NXPE4: variants seen among roughly 807,000 people sequenced by gnomAD.
The protein encoded by NXPE4 is neurexophilin and PC-esterase domain family member 4, also known as NXPE family member 4.
In NXPE4, 42 loss-of-function variants were observed where a neutral mutation model predicts 33.3. The observed-to-expected ratio is 1.26, with a 90% CI of 0.98 to 1.63. The LOEUF (loss-of-function observed/expected upper bound fraction) is 1.63. Among genes scored for constraint, NXPE4 ranks in the 40% most tolerant of loss-of-function variants. NXPE4 has a pLI of 0.00. For synonymous variants in NXPE4, 253 were observed against 234.9 expected (o/e 1.08, Z -0.71); for missense variants, 709 against 647.6 (o/e 1.09, Z -1.03).
chr11:114,630,325 A>G, the NXPE4 span, among the ~76,000 whole-genome samples: 9 of 151,952 alleles, frequency 5.9e-5, no homozygotes, highest in South Asian at 1.5e-3. Context: ...CAAAATAGAG[A>G]TATAGATCAA....
At chr11:114,656,293 T>C in the NXPE4 span, among the ~76,000 whole-genome samples, 3 of 152,074 alleles carry the variant, frequency 2.0e-5, no homozygotes, top group South Asian at 2.1e-4. Flanking sequence ...TACAAACAAA[T>C]GGAAAAGCAT....
chr11:114,675,758 T>G, the NXPE4 span, among the ~76,000 whole-genome samples: 1 of 151,888 alleles, frequency 6.6e-6, no homozygotes, highest in Non-Finnish European at 1.5e-5. Flanking sequence ...ATTCTGAAAC[T>G]TACATGGAAC....
At chr11:114,674,021 T>C in the NXPE4 span, among the ~76,000 whole-genome samples, 6 of 151,632 alleles carry the variant, frequency 4.0e-5, no homozygotes, top group African/African-American at 1.5e-4. Flanking sequence ...AAGATGATGA[T>C]GGGATTAGTG....
chr11:114,659,053 A>G, the NXPE4 span, among the ~76,000 whole-genome samples: 1 of 152,208 alleles, frequency 6.6e-6, no homozygotes, highest in East Asian at 1.9e-4. Flanking sequence ...GCACCAAGTA[A>G]CCAGAAAAAT....
chr11:114,615,985 A>G, the NXPE4 span, among the ~76,000 whole-genome samples: 1 of 149,454 alleles, frequency 6.7e-6, no homozygotes, highest in Non-Finnish European at 1.5e-5. Flanking sequence ...TCTCTCGTGG[A>G]AAAGCACTGT....
At chr11:114,583,182 A>C in intron 2 of NXPE4, 161 bp from the exon 3 acceptor site, 1 of 839,328 alleles carries the variant, frequency 1.2e-6, no homozygotes, top group Non-Finnish European at 1.8e-6. Flanking sequence ...ATATTATTTA[A>C]ATTCTCCAAT....
At chr11:114,604,857 C>T in the NXPE4 span, among the ~76,000 whole-genome samples, 3 of 151,966 alleles carry the variant, frequency 2.0e-5, no homozygotes, top group Non-Finnish European at 4.4e-5. Context: ...TCCACTGTTA[C>T]CTGCTGGATA....
intron 2 of NXPE4, among the ~76,000 whole-genome samples, chr11:114,589,289 G>C (rs1431266735): frequency 6.6e-6 from 1 of 152,064 alleles, no homozygotes; most frequent in African/African-American, 2.4e-5. Flanking sequence ...GGCTCCAGTG[G>C]CTCAAATTCC....
the NXPE4 span, among the ~76,000 whole-genome samples, chr11:114,601,800 T>TTA: frequency 1.4e-5 from 1 of 69,386 alleles, no homozygotes; most frequent in Non-Finnish European, 2.3e-5. Flanking sequence ...TGATATATGA[T>TTA]TATATATTAT....
chr11:114,649,057 G>T, the NXPE4 span, among the ~76,000 whole-genome samples: 1 of 151,742 alleles, frequency 6.6e-6, no homozygotes, highest in East Asian at 1.9e-4. Flanking sequence ...CTGGTCACAT[G>T]GTTATAACTG....
chr11:114,632,678 A>G, the NXPE4 span, among the ~76,000 whole-genome samples: 2 of 58,032 alleles, frequency 3.4e-5, no homozygotes, highest in Non-Finnish European at 2.7e-5. Flanking sequence ...ATATATATTT[A>G]TATATATAAA....
At chr11:114,671,046 T>C in the NXPE4 span, among the ~76,000 whole-genome samples, 4 of 147,858 alleles carry the variant, frequency 2.7e-5, no homozygotes, top group Admixed American at 2.0e-4. Context: ...AATATATATA[T>C]ATAAAAATAT....
In NXPE4 at chr11:114,582,396, A is replaced by C; in HGVS notation, c.722T>G (p.Phe241Cys). Residue 241 changes from phenylalanine (F) to cysteine (C), a missense_variant, in exon 3 of 6, where the codon TTC (phenylalanine) becomes TGC (cysteine). Phe to Cys is a radical substitution (Grantham distance 205). Coordinates refer to ENST00000375478, the MANE Select transcript of NXPE4 (RefSeq NM_001077639.2). Reference protein sequence around the residue: ...QYLDNRDQEGFYCVRPQHMPC... With the variant: ...QYLDNRDQEGCYCVRPQHMPC... ...CATGTGTTGAGGCCTCACACAGTAG[A>C]AGCCTTCTTGGTCTCTGTTGTCCAG... is the stretch of plus-strand genomic sequence containing the variant. 6.2e-7 allele frequency: 1 copy of C among 1,614,220 alleles called. No homozygotes were observed. The highest frequency in any genetic ancestry group is 2.2e-5 in the East Asian group (1 of 44,888).
the NXPE4 span, among the ~76,000 whole-genome samples, chr11:114,647,015 T>C: frequency 3.3e-5 from 5 of 152,300 alleles, no homozygotes; most frequent in East Asian, 9.6e-4. Flanking sequence ...CGGCACACCT[T>C]CAAAGGTGAG....
At chr11:114,653,820 G>T in the NXPE4 span, among the ~76,000 whole-genome samples, 1 of 151,866 alleles carries the variant, frequency 6.6e-6, no homozygotes, top group Non-Finnish European at 1.5e-5. Context: ...GAGCCACCGC[G>T]CCTGGCCTGT....
chr11:114,625,871 A>C, the NXPE4 span, among the ~76,000 whole-genome samples: 1 of 152,176 alleles, frequency 6.6e-6, no homozygotes, highest in Admixed American at 6.5e-5. Context: ...GGGAAGCGCA[A>C]GGGGTCAGGG....
the NXPE4 span, among the ~76,000 whole-genome samples, chr11:114,637,698 T>C: frequency 2.0e-5 from 3 of 151,050 alleles, no homozygotes; most frequent in Non-Finnish European, 4.4e-5. Context: ...GTCTGTAAAG[T>C]ATTGTATTTC....
Position 114,570,749 on chromosome 11 carries a change from T to C in NXPE4, c.*189A>G, listed in dbSNP as rs918951108. 2.0e-6 allele frequency: 1 copy of C among 502,016 alleles called. No homozygotes were observed. Among genetic ancestry groups the C allele is most frequent in the East Asian group, 3.2e-5 (1 of 31,256 alleles). The allele number at this position is 502,016 out of a possible 1,614,324, so 31.1% of individuals were successfully genotyped here. On this transcript the variant is annotated 3_prime_UTR_variant, in exon 6 of 6. Transcript: ENST00000375478. Reference sequence around the variant, plus strand: ...CTCTTTTCATGAGTATTTTTAGTTTTATTTTTAAGTGGAAGCCCAGATTAG... The same window carrying C: ...CTCTTTTCATGAGTATTTTTAGTTTCATTTTTAAGTGGAAGCCCAGATTAG...
chr11:114,640,765 G>A, the NXPE4 span, among the ~76,000 whole-genome samples: 77 of 152,060 alleles, frequency 5.1e-4, 1 homozygote, highest in South Asian at 0.016. Context: ...TTTGAAAAAT[G>A]TGTGTCCATG....
Sources: allele counts gnomAD v4.1 joint callset (sites outside exome capture counted in the v4.1 genomes callset), GRCh38; gene constraint gnomAD v4.1.1; transcripts MANE v1.5; gene names NCBI Gene and HGNC (gene_info 2026-07-23, HGNC 2026-07-21).